Variants in IGDCC4 observed in about 807,000 individuals in gnomAD.
IGDCC4 encodes the protein likely ortholog of mouse neighbor of Punc E11.
Under a neutral mutation model 116.6 loss-of-function variants are expected in IGDCC4, and 72 were observed. The ratio of observed to expected loss-of-function variants is 0.62; its 90% confidence interval spans 0.51 to 0.75. IGDCC4 has a LOEUF of 0.75. Ranked by LOEUF, IGDCC4 falls within the 30% of genes least tolerant of loss-of-function variation. The pLI is 0.00. For synonymous variants in IGDCC4, 709 were observed against 719.9 expected (o/e 0.98, Z 0.24); for missense variants, 1,501 against 1,662.4 (o/e 0.90, Z 1.69).
At chr15:65,409,615 T>C (rs1292781211) in intron 3 of IGDCC4, among the ~76,000 whole-genome samples, 1 of 152,184 alleles carries the variant, frequency 6.6e-6, no homozygotes, top group Admixed American at 6.5e-5. Context: ...CCTTGGAAAC[T>C]CTTCCCTGGG....
chr15:65,403,652 G>A (rs985531963), intron 3 of IGDCC4, among the ~76,000 whole-genome samples: 15 of 152,156 alleles, frequency 9.9e-5, no homozygotes, highest in Admixed American at 2.6e-4. Context: ...GGTGCCAAAT[G>A]TCATATTTGT....
At position 65,422,921 on chromosome 15, in the gene IGDCC4, CG is replaced by C; in HGVS notation, c.-60del. 1.0e-6 allele frequency: 1 copy of C among 973,094 alleles called. No homozygotes were observed. Among genetic ancestry groups the C allele is most frequent in the Non-Finnish European group, 1.2e-6 (1 of 820,460 alleles). The allele number at this position is 973,094 out of a possible 1,614,324, so 60.3% of individuals were successfully genotyped here. ...CCTCCCCGTGCTTCGGCCGCCGCCGCGGGGGGAGAGCGCGCCGGGCGTCAGT... is the reference window on the plus strand; with the variant it reads ...CCTCCCCGTGCTTCGGCCGCCGCCGCGGGGGAGAGCGCGCCGGGCGTCAGT... On this transcript the variant is annotated 5_prime_UTR_variant, in exon 1 of 20. Coordinates refer to ENST00000352385, the MANE Select transcript of IGDCC4 (RefSeq NM_020962.3).
Position 65,395,372 on chromosome 15 carries a change from T to G in IGDCC4, c.1412-114A>C. 6.6e-6 allele frequency: 7 copies of G among 1,061,824 alleles called. 1 individual carries two copies. The highest frequency in any genetic ancestry group is 2.1e-4 in the Middle Eastern group (1 of 4,664). 65.8% of individuals were successfully genotyped at this position (1,061,824 alleles called of 1,614,324 possible). ...CTGGTGTCTATTTATAGCTAAATCA[T>G]CCCAGATAATCTGAGCTGGAGTGTA... On this transcript the variant is annotated intron_variant, in intron 7 of 19. Transcript: ENST00000352385.
chr15:65,386,161 C>G, intron 17 of IGDCC4, 102 bp from the exon 18 acceptor site: 2 of 747,728 alleles, frequency 2.7e-6, no homozygotes, highest in Non-Finnish European at 4.4e-6. Context: ...TCCTGCCCAT[C>G]TCTGGGATTT....
rs1033646269 is a variant in IGDCC4, at chr15:65,385,390, C to T, written c.3181-275G>A. The T allele has an allele frequency of 1.0e-4, 54 of 542,040 alleles. No individual in the cohort carries two copies. In the African/African-American group the frequency reaches 1.0e-3, roughly 10 times the overall value. 33.6% of individuals were successfully genotyped at this position (542,040 alleles called of 1,614,324 possible). ...CAGGCGGGGAGAGGGTGAGGGAGGA[C>T]GGGTCGGAGTTGGGTGGGATGTGCC... On this transcript the variant is annotated intron_variant, in intron 18 of 19. Transcript: ENST00000352385.
rs370537773 is a variant in IGDCC4 at position 65,391,872 on chromosome 15, G to A, written c.2224+8C>T. The A allele has an allele frequency of 3.8e-5, 61 of 1,611,116 alleles. No individual in the cohort carries two copies. In the East Asian group the frequency reaches 4.5e-4, roughly 12 times the overall value. On this transcript the variant is annotated splice_region_variant and intron_variant, in intron 12 of 19. Coordinates refer to ENST00000352385, the MANE Select transcript of IGDCC4 (RefSeq NM_020962.3). ...GCCCTCCCCGCCTTCTTCCCCCACC[G>A]CCCTCACCTGGTGCCGGCGCCTTCT...
chr15:65,396,760 C>T, intron 6 of IGDCC4, 74 bp downstream of exon 6: 1 of 1,513,696 alleles, frequency 6.6e-7, no homozygotes. Context: ...AGCACACCCA[C>T]CCGTCCACCT....
intron 1 of IGDCC4, among the ~76,000 whole-genome samples, chr15:65,416,136 C>CTTTTTTTTTTTT (rs60072640): frequency 1.3e-5 from 1 of 77,608 alleles, no homozygotes; most frequent in Non-Finnish European, 2.3e-5. Context: ...AATGTTTTGA[C>CTTTTTTTTTTTT]TTTTTTTTTT....
rs72731342 is a variant in IGDCC4 at position 65,393,223 on chromosome 15, C to T, written c.1885+138G>A. The T allele has an allele frequency of 0.013, 11,840 of 914,732 alleles. 87 individuals carry two copies. The highest frequency in any genetic ancestry group is 0.016 in the Non-Finnish European group (10,121 of 644,386). 56.7% of individuals were successfully genotyped at this position (914,732 alleles called of 1,614,324 possible). On this transcript the variant is annotated intron_variant, in intron 10 of 19. Coordinates refer to ENST00000352385, the MANE Select transcript of IGDCC4 (RefSeq NM_020962.3). The surrounding 1 kb of genome is among the most constrained non-coding windows in gnomAD (Gnocchi z 4.6). ...CCTTCACCTCTGCACCTAAGCCTCA[C>T]TCACCCATCAAGCGGAGGGAGCCAT...
chr15:65,409,643 T>C (rs1022441537), intron 3 of IGDCC4, among the ~76,000 whole-genome samples: 12 of 152,216 alleles, frequency 7.9e-5, no homozygotes, highest in Non-Finnish European at 1.6e-4. Flanking sequence ...TACCCATCCA[T>C]TGCCTTTACA....
At chr15:65,395,449 G>A (rs891175149) in intron 7 of IGDCC4, among the ~76,000 whole-genome samples, 191 bp from the exon 8 acceptor site, 3 of 152,100 alleles carry the variant, frequency 2.0e-5, no homozygotes, top group Non-Finnish European at 4.4e-5. Context: ...ACTGGTTAGG[G>A]AGTGCTTTCT....
intron 2 of IGDCC4, 76 bp from the exon 3 acceptor site, chr15:65,410,395 C>T (rs2063079843): frequency 6.4e-7 from 1 of 1,555,960 alleles, no homozygotes; most frequent in Non-Finnish European, 8.8e-7. Flanking sequence ...AACAGTGAAA[C>T]ACATCCGCAT....
chr15:65,403,269 C>T (rs539265822), intron 3 of IGDCC4, among the ~76,000 whole-genome samples: 3 of 152,288 alleles, frequency 2.0e-5, no homozygotes, highest in Non-Finnish European at 1.5e-5. Flanking sequence ...AGGGCCATCT[C>T]CAAATGTGTT....
At position 65,391,960 on chromosome 15, in the gene IGDCC4, A is replaced by C; in HGVS notation, c.2144T>G (p.Val715Gly). Residue 715 changes from valine (V) to glycine (G), a missense_variant, in exon 12 of 20, where the codon GTG becomes GGG. Around this residue, in one of 3 missense-constraint regions of IGDCC4, gnomAD observed 898 missense variants for 978.9 expected, o/e 0.92. Transcript: ENST00000352385. ...ATGTTTGTTGAAAGCCACGAGCTTC[A>C]CCTCGTACAGCCGGCCAGGGACTGG... ...TQLVPGRLYE[V>G]KLVAFNKHED... 6.2e-7 allele frequency: 1 copy of C among 1,612,204 alleles called. No homozygotes were observed. The highest frequency in any genetic ancestry group is 8.5e-7 in the Non-Finnish European group (1 of 1,179,240).
At chr15:65,409,382 G>A (rs1049762486) in intron 3 of IGDCC4, among the ~76,000 whole-genome samples, 2 of 152,232 alleles carry the variant, frequency 1.3e-5, no homozygotes, top group East Asian at 1.9e-4. Flanking sequence ...TACAGCTACC[G>A]AGATATAGGG....
chr15:65,398,913 C>A (rs549889742), intron 5 of IGDCC4, among the ~76,000 whole-genome samples: 15 of 152,164 alleles, frequency 9.9e-5, no homozygotes, highest in African/African-American at 2.4e-4. Flanking sequence ...AAAACAAAAT[C>A]AAAAACAAAC....
rs973052024 is a variant in IGDCC4 at position 65,396,034 on chromosome 15, C to T, written c.1127G>A (p.Arg376Gln). 4.1e-6 allele frequency: 6 copies of T among 1,465,028 alleles called. No individual in the cohort carries two copies. Among genetic ancestry groups the T allele is most frequent in the Non-Finnish European group, 5.4e-6 (6 of 1,114,002 alleles). The allele number at this position is 1,465,028 out of a possible 1,614,324, so 90.8% of individuals were successfully genotyped here. A position where few individuals can be genotyped will look rare whatever the true frequency, so the allele number is the denominator to read the frequency against. The change falls in exon 7 of 20, where the codon CGG (arginine) becomes CAG (glutamine). Residue 376 changes from arginine to glutamine, a missense_variant. Physicochemically the swap from Arg to Gln is conservative, Grantham distance 43. This residue lies in a region of IGDCC4 where 898 missense variants were observed against 978.9 expected (regional missense o/e 0.92). Transcript: ENST00000352385. ...CTGGACCTTGACGCGCCCGTTGGGC[C>T]GCAGCGGCGCCCCGTTGTGCAGCCA... is the stretch of plus-strand genomic sequence containing the variant. ...LRWLHNGAPL[R>Q]PNGRVKVQGG...
rs1240321479 is a variant in IGDCC4, at chr15:65,384,508, C to CCCT, written c.3343-92_3343-90dup. ...AGCGTACGTGGGGCAGAAAGTCTGACCCTCCATCAGAGTAAGTATCACATG... is the reference window on the plus strand; with the variant it reads ...AGCGTACGTGGGGCAGAAAGTCTGACCCTCCTCCATCAGAGTAAGTATCACATG... On this transcript the variant is annotated intron_variant, in intron 19 of 19. Transcript: ENST00000352385. This position sits in a 1 kb window ranked among gnomAD's most constrained non-coding sequence, Gnocchi z 4.9. The CCCT allele has an allele frequency of 1.5e-6, 2 of 1,301,792 alleles. No individual in the cohort carries two copies. Among genetic ancestry groups the CCCT allele is most frequent in the Admixed American group, 5.0e-5 (2 of 40,330 alleles). 80.6% of individuals were successfully genotyped at this position (1,301,792 alleles called of 1,614,324 possible).
chr15:65,402,344 C>G lies in IGDCC4; in HGVS notation c.700+7G>C, dbSNP rs1056886648. The G allele has an allele frequency of 1.9e-6, 3 of 1,562,014 alleles. No homozygotes were observed. In the African/African-American group the frequency reaches 4.1e-5, roughly 21 times the overall value. ...CCCAGGTTTCCCCACCCAGCCAGCC[C>G]CCTTACCTCTGTGGGCCACACTGAG... On this transcript the variant is annotated splice_region_variant and intron_variant, in intron 4 of 19. Transcript: ENST00000352385.
Sources: gnomAD v4.1 joint callset for allele counts (sites outside exome capture counted in the v4.1 genomes callset) on GRCh38, gnomAD v4.1.1 for gene constraint, gnomAD v4.1.1 regional missense constraint, Gnocchi (gnomAD v3.1) non-coding constraint, MANE v1.5 for transcripts, NCBI Gene and HGNC (gene_info 2026-07-23, HGNC 2026-07-21) for gene names.